Variants in KCNMA1 observed in about 807,000 individuals in gnomAD.
KCNMA1 encodes Calcium-activated potassium channel subunit alpha-1.
KCNMA1 carries 29 observed loss-of-function variants against 140.0 expected under a neutral mutation model. That is an observed-to-expected ratio of 0.21 (90% confidence interval 0.15 to 0.28). The LOEUF is 0.28. KCNMA1 is among the 10% of genes least tolerant of loss of function. KCNMA1 has a pLI of 1.00. For synonymous variants in KCNMA1, 612 were observed against 611.9 expected, an observed-to-expected ratio of 1.00 and a Z score of 0.00; for missense variants, 880 against 1,602.2, an observed-to-expected ratio of 0.55 and a Z score of 7.70.
intron 1 of KCNMA1, among the ~76,000 whole-genome samples, chr10:77,480,369 C>T (rs903839249): frequency 1.3e-5 from 2 of 152,188 alleles, no homozygotes; most frequent in African/African-American, 2.4e-5. Context: ...CAGGCAAATC[C>T]CAGTCATAAA....
chr10:77,110,122 A>G (rs534292414), intron 8 of KCNMA1, 51 bp downstream of exon 8: 1 of 1,459,254 alleles, frequency 6.9e-7, no homozygotes, highest in African/African-American at 1.4e-5. Flanking sequence ...TGTATCATGG[A>G]AAATATTAAC....
chr10:77,585,049 C>A (rs1198134313), intron 1 of KCNMA1, among the ~76,000 whole-genome samples: 1 of 152,234 alleles, frequency 6.6e-6, no homozygotes, highest in African/African-American at 2.4e-5. Flanking sequence ...TCCCTCAAAA[C>A]CCATTGATCA....
chr10:77,059,933 T>C (rs2095675631), intron 14 of KCNMA1, among the ~76,000 whole-genome samples: 1 of 152,120 alleles, frequency 6.6e-6, no homozygotes, highest in Non-Finnish European at 1.5e-5. Flanking sequence ...CAATGAACAA[T>C]TGGAACCCAA....
At chr10:76,942,828 T>A (rs1227878000) in intron 23 of KCNMA1, among the ~76,000 whole-genome samples, 5 of 152,188 alleles carry the variant, frequency 3.3e-5, no homozygotes, top group African/African-American at 1.2e-4. Context: ...ATCATTGCTT[T>A]CACTGTTTTC....
intron 1 of KCNMA1, among the ~76,000 whole-genome samples, chr10:77,616,867 T>G (rs1186368749): frequency 6.6e-6 from 1 of 151,976 alleles, no homozygotes; most frequent in Admixed American, 6.6e-5. Flanking sequence ...AGTATTATTT[T>G]ATTCCCACTT....
intron 5 of KCNMA1, among the ~76,000 whole-genome samples, chr10:77,167,407 G>A (rs2098654840): frequency 6.6e-6 from 1 of 152,020 alleles, no homozygotes; most frequent in Admixed American, 6.6e-5. Flanking sequence ...TTATCTTCTT[G>A]TCCCTGTAAG....
intron 23 of KCNMA1, among the ~76,000 whole-genome samples, chr10:76,936,826 A>T (rs913449769): frequency 6.6e-6 from 1 of 152,180 alleles, no homozygotes; most frequent in Admixed American, 6.5e-5. Flanking sequence ...CCAGATCTGC[A>T]GCTGCTCACC....
intron 1 of KCNMA1, among the ~76,000 whole-genome samples, chr10:77,419,412 C>A (rs1373584431): frequency 2.0e-5 from 3 of 152,154 alleles, no homozygotes; most frequent in Admixed American, 1.3e-4. Context: ...CAGGTGGTTA[C>A]CTGAATCCCA....
At chr10:77,028,287 T>C (rs1240704366) in intron 15 of KCNMA1, among the ~76,000 whole-genome samples, 2 of 152,080 alleles carry the variant, frequency 1.3e-5, no homozygotes, top group African/African-American at 4.8e-5. Context: ...TTTCGGTCTT[T>C]TGTACAAATG....
chr10:77,284,247 A>G (rs897749149), intron 2 of KCNMA1, among the ~76,000 whole-genome samples: 5 of 152,174 alleles, frequency 3.3e-5, no homozygotes, highest in African/African-American at 1.2e-4. Flanking sequence ...CTGTACTGGA[A>G]ATAGAGCTGC....
intron 23 of KCNMA1, among the ~76,000 whole-genome samples, chr10:76,924,776 C>A (rs2057168217): frequency 1.3e-5 from 2 of 152,140 alleles, no homozygotes; most frequent in Admixed American, 6.5e-5. Context: ...TTTCAGCCTC[C>A]CACCATCTTG....
intron 14 of KCNMA1, among the ~76,000 whole-genome samples, chr10:77,054,400 G>A (rs1396264086): frequency 6.6e-6 from 1 of 152,106 alleles, no homozygotes; most frequent in Admixed American, 6.5e-5. Context: ...AATGCCACAG[G>A]TATGGGGGCC....
intron 1 of KCNMA1, among the ~76,000 whole-genome samples, chr10:77,472,332 C>T (rs1229236192): frequency 1.3e-5 from 2 of 150,342 alleles, no homozygotes; most frequent in African/African-American, 2.5e-5. Context: ...ATACTAAACA[C>T]ACATCACATA....
At chr10:77,499,474 CA>C (rs914140880) in intron 1 of KCNMA1, among the ~76,000 whole-genome samples, 1 of 149,982 alleles carries the variant, frequency 6.7e-6, no homozygotes, top group Non-Finnish European at 1.5e-5. Context: ...TATACACATA[CA>C]TACATATATT....
chr10:77,059,994 TAAA>T (rs1269732256), intron 14 of KCNMA1, among the ~76,000 whole-genome samples: 1 of 152,182 alleles, frequency 6.6e-6, no homozygotes, highest in East Asian at 1.9e-4. Context: ...AACTTACATA[TAAA>T]TCTAACAAAA....
At chr10:77,105,222 A>C (rs1278404270) in intron 9 of KCNMA1, among the ~76,000 whole-genome samples, 1 of 152,222 alleles carries the variant, frequency 6.6e-6, no homozygotes, top group East Asian at 1.9e-4. Flanking sequence ...AATGTTGGGT[A>C]AGGCACTCTA....
chr10:77,636,772 C>T (rs2093788191), intron 1 of KCNMA1: 1 of 1,459,652 alleles, frequency 6.9e-7, no homozygotes, highest in Non-Finnish European at 9.0e-7. Flanking sequence ...AAGGATTTTT[C>T]CCTTCTTTCT....
intron 14 of KCNMA1, among the ~76,000 whole-genome samples, chr10:77,045,780 C>A (rs1382644759): frequency 6.6e-6 from 1 of 152,200 alleles, no homozygotes; most frequent in African/African-American, 2.4e-5. Flanking sequence ...AAATTCAACT[C>A]TCCTGGCTGG....
chr10:77,342,500 G>T (rs984912894), intron 2 of KCNMA1, among the ~76,000 whole-genome samples: 2 of 152,180 alleles, frequency 1.3e-5, no homozygotes, highest in Non-Finnish European at 2.9e-5. Flanking sequence ...TTATGGGACA[G>T]CTGACCACCC....
Sources: gnomAD v4.1 joint callset for allele counts (sites outside exome capture counted in the v4.1 genomes callset) on GRCh38, gnomAD v4.1.1 for gene constraint, MANE v1.5 for transcripts, NCBI Gene and HGNC (gene_info 2026-07-23, HGNC 2026-07-21) for gene names.